Variants in AUTS2 observed in about 807,000 individuals in gnomAD.
AUTS2 encodes activator of transcription and developmental regulator AUTS2.
AUTS2 carries 17 observed loss-of-function variants against 112.4 expected under a neutral mutation model. The observed-to-expected ratio is 0.15, with a 90% CI of 0.10 to 0.23. The LOEUF (loss-of-function observed/expected upper bound fraction) is 0.23, where lower values mean the gene tolerates loss of function less well. Among genes scored for constraint, AUTS2 ranks in the 10% least tolerant of loss-of-function variants. The probability of loss-of-function intolerance (pLI) is 1.00; values close to 1 mark genes in which losing one functional copy is unlikely to be tolerated. For missense variants in AUTS2, 1,510 were observed against 1,701.6 expected, an observed-to-expected ratio of 0.89 and a Z score of 1.98; for synonymous variants, 751 against 702.7, an observed-to-expected ratio of 1.07 and a Z score of -1.09.
At chr7:70,003,375 G>T (rs1168420723) in intron 2 of AUTS2, among the ~76,000 whole-genome samples, 1 of 124,088 alleles carries the variant, frequency 8.1e-6, no homozygotes, top group Non-Finnish European at 1.6e-5. Context: ...TATTATATAT[G>T]TGAATATATA....
At chr7:70,368,344 G>A (rs963020122) in intron 4 of AUTS2, among the ~76,000 whole-genome samples, 2 of 152,194 alleles carry the variant, frequency 1.3e-5, no homozygotes, top group African/African-American at 2.4e-5. Context: ...AGAGGGAAAG[G>A]ATGATGCCTA....
intron 2 of AUTS2, among the ~76,000 whole-genome samples, chr7:69,990,003 G>A (rs1378839614): frequency 2.6e-5 from 4 of 152,238 alleles, no homozygotes; most frequent in Admixed American, 2.6e-4. Flanking sequence ...CAGGTCTGTG[G>A]GAAAAATTGT....
intron 5 of AUTS2, among the ~76,000 whole-genome samples, chr7:70,581,814 T>C (rs541264597): frequency 2.0e-5 from 3 of 152,312 alleles, no homozygotes; most frequent in Admixed American, 2.0e-4. Context: ...TTTTTTAATG[T>C]GGTGTAGTTG....
At chr7:70,297,180 A>G (rs568980396) in intron 4 of AUTS2, among the ~76,000 whole-genome samples, 1 of 151,806 alleles carries the variant, frequency 6.6e-6, no homozygotes, top group South Asian at 2.1e-4. Context: ...CCTGCCTTAC[A>G]CCACCCAGAA....
intron 6 of AUTS2, among the ~76,000 whole-genome samples, chr7:70,713,092 C>A (rs1810152116): frequency 6.6e-6 from 1 of 152,204 alleles, no homozygotes. Context: ...GAGTTTGAAA[C>A]CATGACCTTG....
intron 2 of AUTS2, among the ~76,000 whole-genome samples, chr7:70,107,251 T>C (rs1462443569): frequency 6.6e-6 from 1 of 152,096 alleles, no homozygotes; most frequent in Admixed American, 6.5e-5. Context: ...AGGCTGATTT[T>C]GTATGCTCAC....
At chr7:70,771,492 A>G (rs1790335470) in intron 10 of AUTS2, 57 bp from the exon 11 acceptor site, 1 of 1,435,568 alleles carries the variant, frequency 7.0e-7, no homozygotes, top group African/African-American at 1.4e-5. Context: ...GGGAATTTGA[A>G]TATGTCACTT....
rs1033937934 is a variant in AUTS2, at chr7:70,083,320, C to T, written c.523-34812C>T. Among the ~76,000 whole-genome samples, 33 of 152,212 alleles carry T rather than the reference C, an allele frequency of 2.2e-4. 1 individual carries two copies. Among genetic ancestry groups the T allele is most frequent in the African/African-American group, 5.8e-4 (24 of 41,534 alleles). On this transcript the variant is annotated intron_variant, in intron 2 of 18. Transcript: ENST00000342771. The stretch of plus-strand genomic sequence containing the variant: ...GGAGCTTCCATGATCATGGTGGAGG[C>T]GGCAAATAGTGTGTATTTTGCAGGG...
chr7:70,411,393 A>G (rs1585114504), intron 4 of AUTS2, among the ~76,000 whole-genome samples: 1 of 152,202 alleles, frequency 6.6e-6, no homozygotes, highest in Non-Finnish European at 1.5e-5. Flanking sequence ...AAGTCTCAAG[A>G]CAGGTAAATC....
chr7:70,609,979 TGTTG>T (rs1296050711), intron 5 of AUTS2, among the ~76,000 whole-genome samples: 2 of 151,922 alleles, frequency 1.3e-5, no homozygotes, highest in African/African-American at 4.8e-5. Context: ...TTGTTGTTGT[TGTTG>T]TTGTTGTTGT....
At chr7:70,123,450 A>T (rs1478802967) in intron 3 of AUTS2, among the ~76,000 whole-genome samples, 1 of 152,046 alleles carries the variant, frequency 6.6e-6, no homozygotes, top group Non-Finnish European at 1.5e-5. Context: ...GAATTATTTC[A>T]TCACCCAGTA....
intron 4 of AUTS2, among the ~76,000 whole-genome samples, chr7:70,313,872 T>C (rs1054436712): frequency 1.3e-5 from 2 of 152,188 alleles, no homozygotes; most frequent in Non-Finnish European, 2.9e-5. Context: ...GGACTGTGAA[T>C]GTGGAGCTCA....
chr7:70,789,787 A>G lies in AUTS2; in HGVS notation c.2571A>G (p.Pro857=). Residue 857 remains proline, a synonymous_variant, in exon 19 of 19, where the codon CCA becomes CCG. Transcript: ENST00000342771. ...VEKRHSSHPS[P]APVLPVNALG... ...AGAGACACTCCAGCCACCCTTCACCAGCACCTGTCCTCCCGGTGAATGCCC... is the reference window on the plus strand; with the variant it reads ...AGAGACACTCCAGCCACCCTTCACCGGCACCTGTCCTCCCGGTGAATGCCC... 6.2e-7 allele frequency: 1 copy of G among 1,613,976 alleles called. No homozygotes were observed.
At position 70,135,812 on chromosome 7, in the gene AUTS2, G is replaced by A. The variant is rs573222102; in HGVS notation, c.660+1241G>A. 3.2e-4 allele frequency among the ~76,000 whole-genome samples: 48 copies of A among 152,262 alleles called. No individual in the cohort carries two copies. The South Asian group carries it at 9.7e-3, about 31-fold the overall frequency. On this transcript the variant is annotated intron_variant, in intron 4 of 18. Coordinates refer to ENST00000342771, the MANE Select transcript of AUTS2 (RefSeq NM_015570.4). ...ATACATTCAGTATCCTGCTTCAGCA[G>A]TCGAAATAACAGACGTAGCCCCATC...
intron 4 of AUTS2, among the ~76,000 whole-genome samples, chr7:70,260,603 A>G (rs754229525): frequency 3.9e-5 from 6 of 151,996 alleles, no homozygotes; most frequent in Non-Finnish European, 7.4e-5. Flanking sequence ...CTGTCTCTCA[A>G]TATTGCTGCA....
intron 4 of AUTS2, among the ~76,000 whole-genome samples, chr7:70,142,536 G>C (rs1806920703): frequency 6.6e-6 from 1 of 152,102 alleles, no homozygotes; most frequent in Non-Finnish European, 1.5e-5. Flanking sequence ...GTCTGCTTTT[G>C]TTTGAAAGTA....
chr7:70,329,259 T>A (rs1447117704), intron 4 of AUTS2, among the ~76,000 whole-genome samples: 2 of 152,226 alleles, frequency 1.3e-5, no homozygotes, highest in Non-Finnish European at 2.9e-5. Flanking sequence ...TATACTTGTT[T>A]ATGTACCTCG....
chr7:70,568,490 G>A (rs925044340), intron 5 of AUTS2, among the ~76,000 whole-genome samples: 1 of 152,156 alleles, frequency 6.6e-6, no homozygotes, highest in Non-Finnish European at 1.5e-5. Flanking sequence ...AGTGTTCAAG[G>A]TGAACTTTTT....
At chr7:70,460,523 A>G (rs1245686942) in intron 5 of AUTS2, among the ~76,000 whole-genome samples, 2 of 151,148 alleles carry the variant, frequency 1.3e-5, no homozygotes, top group Admixed American at 1.3e-4. Context: ...GCTAATTTTT[A>G]TACTTTTAGT....
Sources: gnomAD v4.1 joint callset for allele counts (sites outside exome capture counted in the v4.1 genomes callset) on GRCh38, gnomAD v4.1.1 for gene constraint, MANE v1.5 for transcripts, NCBI Gene and HGNC (gene_info 2026-07-23, HGNC 2026-07-21) for gene names.